The following DNAH5 variants were observed in gnomAD, a reference collection of about 807,000 sequenced individuals.
DNAH5 encodes the protein axonemal beta dynein heavy chain 5.
Under a neutral mutation model 518.2 loss-of-function variants are expected in DNAH5, and 372 were observed. The ratio of observed to expected loss-of-function variants is 0.72; its 90% confidence interval spans 0.66 to 0.78. The LOEUF is 0.78. Among genes scored for constraint, DNAH5 ranks in the 30% least tolerant of loss-of-function variants. DNAH5 has a pLI of 0.00. For missense variants in DNAH5, 5,523 were observed against 5,687.0 expected (o/e 0.97, Z 0.93); for synonymous variants, 2,039 against 2,025.9 (o/e 1.01, Z -0.17).
rs146191243 is a variant in DNAH5 at position 13,867,840 on chromosome 5, T to C, written c.3987A>G (p.Lys1329=). The C allele has an allele frequency of 0.014, 23,004 of 1,614,002 alleles. 216 individuals are homozygous for C. Among genetic ancestry groups the C allele is most frequent in the Middle Eastern group, 0.019 (112 of 6,054 alleles). ...KLVSLQPSFK[K]ELISAVEVFL... ...ATACCTCCACAGCACTAATAAGCTC[T>C]TTCTTGAAACTGGGCTGCAGTGAGA... Residue 1329 remains lysine (K), a synonymous_variant, in exon 25 of 79, where the codon AAA becomes AAG. Coordinates refer to ENST00000265104, the MANE Select transcript of DNAH5 (RefSeq NM_001369.3).
chr5:13,899,933 T>C (rs530828857), intron 15 of DNAH5: 4 of 446,538 alleles, frequency 9.0e-6, no homozygotes, highest in African/African-American at 4.0e-5. Context: ...ACTTTTATTA[T>C]AAAAAGAGAT....
At chr5:13,702,563 A>T (rs1419560460) in intron 76 of DNAH5, among the ~76,000 whole-genome samples, 2 of 152,044 alleles carry the variant, frequency 1.3e-5, no homozygotes, top group African/African-American at 4.8e-5. Context: ...TAGGGAAGGA[A>T]CTCCCAATGG....
At chr5:13,800,731 G>A (rs545683733) in intron 47 of DNAH5, among the ~76,000 whole-genome samples, 10 of 152,184 alleles carry the variant, frequency 6.6e-5, no homozygotes, top group South Asian at 2.1e-4. Context: ...AAAGAAATCC[G>A]TCTAAAGAAT....
At chr5:13,891,197 A>G (rs1048032744) in intron 16 of DNAH5, 76 bp from the exon 17 acceptor site, 54 of 1,454,786 alleles carry the variant, frequency 3.7e-5, no homozygotes, top group Non-Finnish European at 4.7e-5. Context: ...ACACTTGATT[A>G]AATGACAGTA....
chr5:13,886,342 G>A (rs963681203), intron 17 of DNAH5, among the ~76,000 whole-genome samples: 4 of 152,182 alleles, frequency 2.6e-5, no homozygotes, highest in African/African-American at 4.8e-5. Context: ...GATCAGTGTA[G>A]ATGGACCAAA....
chr5:13,739,623 T>A (rs1748123193), intron 65 of DNAH5, among the ~76,000 whole-genome samples: 1 of 152,164 alleles, frequency 6.6e-6, no homozygotes. Context: ...CAGTGATGAA[T>A]CATATGAAAC....
chr5:13,957,680 T>G (rs1420778903), intron 1 of DNAH5, among the ~76,000 whole-genome samples: 2 of 151,928 alleles, frequency 1.3e-5, no homozygotes, highest in Non-Finnish European at 2.9e-5. Context: ...TATATCCATA[T>G]AGTAATCCCA....
chr5:13,969,947 A>G (rs1174070514), intron 1 of DNAH5, among the ~76,000 whole-genome samples: 2 of 152,184 alleles, frequency 1.3e-5, no homozygotes, highest in Non-Finnish European at 2.9e-5. Flanking sequence ...AATGTCTACT[A>G]GTAATTGTTT....
chr5:13,794,555 C>T (rs1034154660), intron 47 of DNAH5, among the ~76,000 whole-genome samples: 5 of 152,188 alleles, frequency 3.3e-5, no homozygotes, highest in African/African-American at 4.8e-5. Context: ...TGCAGTTACA[C>T]GGATTCAATT....
chr5:13,730,705 A>AT (rs925844207), intron 68 of DNAH5, among the ~76,000 whole-genome samples: 3,395 of 123,400 alleles, frequency 0.028, 101 homozygotes, highest in African/African-American at 0.083. Flanking sequence ...AAGTGCTGTT[A>AT]TTTTTTTTTT....
intron 75 of DNAH5, among the ~76,000 whole-genome samples, chr5:13,713,149 C>T (rs536619116): frequency 3.5e-4 from 44 of 124,702 alleles, no homozygotes; most frequent in African/African-American, 1.2e-3. Flanking sequence ...ATATATATAC[C>T]GACATATATA....
chr5:13,782,299 C>A (rs1046868553), intron 52 of DNAH5, among the ~76,000 whole-genome samples: 1 of 152,184 alleles, frequency 6.6e-6, no homozygotes, highest in Non-Finnish European at 1.5e-5. Flanking sequence ...TCACTAGCTG[C>A]AGTGCATTCT....
Position 13,866,265 on chromosome 5 carries a change from G to A in DNAH5, c.4071C>T (p.Ser1357=), listed in dbSNP as rs201264488. The part of the protein sequence containing the change: ...LDYDLNGPMA[S]GLKPQEASDR... ...CACTGGCTTCCTGGGGCTTCAAGCC[G>A]CTAGCCATTGGACCATTCTGAACAA... The change falls in exon 26 of 79, where the codon AGC becomes AGT. Residue 1357 remains serine, a synonymous_variant. Coordinates refer to ENST00000265104, the MANE Select transcript of DNAH5 (RefSeq NM_001369.3). 1.5e-4 allele frequency: 235 copies of A among 1,613,264 alleles called. 3 individuals are homozygous for A. The South Asian group carries it at 1.6e-3, about 11-fold the overall frequency.
intron 30 of DNAH5, among the ~76,000 whole-genome samples, chr5:13,853,079 C>T (rs539652431): frequency 1.8e-4 from 28 of 152,336 alleles, no homozygotes; most frequent in African/African-American, 5.8e-4. Flanking sequence ...GACAGGGAGA[C>T]ACTTCCCAGC....
intron 4 of DNAH5, among the ~76,000 whole-genome samples, chr5:13,922,919 T>G (rs1051682035): frequency 1.3e-5 from 2 of 151,722 alleles, no homozygotes; most frequent in East Asian, 3.9e-4. Context: ...CATTTTACTT[T>G]GCACAAAAAA....
intron 47 of DNAH5, among the ~76,000 whole-genome samples, chr5:13,805,127 T>C (rs988687333): frequency 6.6e-6 from 1 of 152,048 alleles, no homozygotes; most frequent in African/African-American, 2.4e-5. Context: ...TCACCAGCCA[T>C]GTGATGAGAA....
intron 47 of DNAH5, among the ~76,000 whole-genome samples, chr5:13,794,428 G>C (rs983725367): frequency 2.6e-5 from 4 of 152,112 alleles, no homozygotes; most frequent in Admixed American, 6.5e-5. Flanking sequence ...GTTAAACAAG[G>C]CTACTGTGTG....
At chr5:13,856,634 C>T (rs140731501) in intron 30 of DNAH5, among the ~76,000 whole-genome samples, 7 of 152,032 alleles carry the variant, frequency 4.6e-5, no homozygotes, top group East Asian at 1.9e-4. Flanking sequence ...ACAAGCAAAC[C>T]GAATCAAACA....
chr5:13,809,210 C>T lies in DNAH5; in HGVS notation c.7610-24G>A, dbSNP rs1321994453. On this transcript the variant is annotated intron_variant, in intron 45 of 78. Coordinates refer to ENST00000265104, the MANE Select transcript of DNAH5 (RefSeq NM_001369.3). ...ACCTAAGGTGAGCAGAGGACATTTC[C>T]ATCTCCATATTAATAATTCAACTCC... 3.7e-6 allele frequency: 6 copies of T among 1,613,670 alleles called. No individual in the cohort carries two copies. In the South Asian group the frequency reaches 4.4e-5, roughly 12 times the overall value.
Sources: allele counts gnomAD v4.1 joint callset (sites outside exome capture counted in the v4.1 genomes callset), GRCh38; gene constraint gnomAD v4.1.1; transcripts MANE v1.5; gene names NCBI Gene and HGNC (gene_info 2026-07-23, HGNC 2026-07-21).